Variants in RIC1 observed in about 807,000 individuals in gnomAD.
RIC1 encodes RIC1 partner of RAB6A GEF complex.
RIC1 carries 88 observed loss-of-function variants against 169.0 expected under a neutral mutation model. The observed-to-expected ratio is 0.52, with a 90% CI of 0.44 to 0.62. RIC1 has a LOEUF of 0.62. Among genes scored for constraint, RIC1 ranks in the 20% least tolerant of loss-of-function variants. The pLI, the probability that RIC1 is intolerant of heterozygous loss-of-function variation, is 0.00. For missense variants in RIC1, 1,877 were observed against 1,725.5 expected (o/e 1.09, Z -1.56); for synonymous variants, 790 against 601.5 (o/e 1.31, Z -4.59).
chr9:5,683,697 G>A (rs537977225), intron 2 of RIC1, among the ~76,000 whole-genome samples: 34 of 152,328 alleles, frequency 2.2e-4, no homozygotes, highest in African/African-American at 8.2e-4. Context: ...ATTTAAGTCT[G>A]CAGAGGTTAC....
At chr9:5,718,664 A>G (rs1823411591) in intron 4 of RIC1, among the ~76,000 whole-genome samples, 1 of 152,200 alleles carries the variant, frequency 6.6e-6, no homozygotes, top group Admixed American at 6.5e-5. Context: ...TAAAACATAA[A>G]CTTTTTATAC....
At chr9:5,769,969 T>A in intron 22 of RIC1, 118 bp from the exon 23 acceptor site, 1 of 874,434 alleles carries the variant, frequency 1.1e-6, no homozygotes, top group Non-Finnish European at 1.7e-6. Flanking sequence ...AGTAATTGCC[T>A]TTGAACTGTT....
chr9:5,765,324 C>A, intron 19 of RIC1, 90 bp from the exon 20 acceptor site: 1 of 1,396,040 alleles, frequency 7.2e-7, no homozygotes, highest in Non-Finnish European at 9.8e-7. Flanking sequence ...TGGCTACATT[C>A]TTTGAGTTTA....
intron 3 of RIC1, among the ~76,000 whole-genome samples, chr9:5,694,520 G>C (rs927641043): frequency 6.6e-6 from 1 of 152,136 alleles, no homozygotes; most frequent in South Asian, 2.1e-4. Context: ...AAATGTACAT[G>C]GGTGACCTTT....
intron 6 of RIC1, among the ~76,000 whole-genome samples, chr9:5,721,446 G>A (rs1332313670): frequency 1.3e-5 from 2 of 152,162 alleles, no homozygotes; most frequent in African/African-American, 2.4e-5. Context: ...CAGCACACAC[G>A]CGCGTGCACA....
At chr9:5,700,571 T>G in intron 3 of RIC1, among the ~76,000 whole-genome samples, 1 of 151,640 alleles carries the variant, frequency 6.6e-6, no homozygotes. Context: ...CGTATATTAA[T>G]GTATATTTAT....
At chr9:5,675,702 G>GC (rs1459772721) in intron 2 of RIC1, among the ~76,000 whole-genome samples, 31 of 150,562 alleles carry the variant, frequency 2.1e-4, no homozygotes, top group African/African-American at 7.4e-4. Context: ...ATTTTAGGGG[G>GC]GAAAAATGTA....
chr9:5,632,261 A>C (rs1226187305), intron 1 of RIC1, among the ~76,000 whole-genome samples: 1 of 152,230 alleles, frequency 6.6e-6, no homozygotes, highest in Non-Finnish European at 1.5e-5. Flanking sequence ...TTAGTAGTCT[A>C]AGCTGGTTGT....
At chr9:5,736,124 T>A (rs746868773) in intron 7 of RIC1, among the ~76,000 whole-genome samples, 2 of 152,224 alleles carry the variant, frequency 1.3e-5, no homozygotes, top group Non-Finnish European at 2.9e-5. Context: ...CATGGACTCC[T>A]CACTAACATT....
intron 1 of RIC1, among the ~76,000 whole-genome samples, chr9:5,650,435 G>C (rs1156249483): frequency 6.6e-6 from 1 of 152,034 alleles, no homozygotes; most frequent in Non-Finnish European, 1.5e-5. Context: ...CTGGTAGAGT[G>C]CTCAGGTAGC....
At chr9:5,690,405 A>G (rs1334023196) in intron 3 of RIC1, among the ~76,000 whole-genome samples, 1 of 152,080 alleles carries the variant, frequency 6.6e-6, no homozygotes, top group Non-Finnish European at 1.5e-5. Flanking sequence ...ATGCATAGAA[A>G]AAAAAGAACC....
chr9:5,689,656 T>C (rs553447014), intron 2 of RIC1, among the ~76,000 whole-genome samples: 1 of 152,274 alleles, frequency 6.6e-6, no homozygotes, highest in South Asian at 2.1e-4. Flanking sequence ...AAAAGTACTA[T>C]ATATTTTGCA....
intron 2 of RIC1, among the ~76,000 whole-genome samples, chr9:5,670,905 T>A (rs1173858316): frequency 6.6e-6 from 1 of 152,212 alleles, no homozygotes; most frequent in African/African-American, 2.4e-5. Flanking sequence ...GTCAGAGGTG[T>A]GGAAAATGGT....
At chr9:5,639,846 CAATTTTTGTCTTG>C (rs1818152327) in intron 1 of RIC1, among the ~76,000 whole-genome samples, 1 of 152,146 alleles carries the variant, frequency 6.6e-6, no homozygotes, top group Admixed American at 6.5e-5. Context: ...CTTTGTCTCA[CAATTTTTGTCTTG>C]AAATCTATTT....
At chr9:5,687,532 G>C (rs1821323085) in intron 2 of RIC1, among the ~76,000 whole-genome samples, 1 of 151,908 alleles carries the variant, frequency 6.6e-6, no homozygotes, top group Admixed American at 6.6e-5. Context: ...ACAAATTTTG[G>C]GATGATGTAT....
At chr9:5,719,745 A>T (rs970807643) in intron 4 of RIC1, among the ~76,000 whole-genome samples, 3 of 152,234 alleles carry the variant, frequency 2.0e-5, no homozygotes, top group African/African-American at 7.2e-5. Context: ...GATAGCACAG[A>T]TATAGAACAT....
rs1024267052 is a variant in RIC1 at position 5,775,061 on chromosome 9, C to G, written c.*815C>G. On this transcript the variant is annotated 3_prime_UTR_variant, in exon 26 of 26. Coordinates refer to ENST00000414202, the MANE Select transcript of RIC1 (RefSeq NM_020829.4). ...GGTTTTAATGCTGGATTCTGCATGT[C>G]TACACATACAAAGACAGGGCTTGCT... is the stretch of plus-strand genomic sequence containing the variant. The G allele has an allele frequency of 6.6e-6, 1 of 152,182 alleles. No homozygotes were observed. The highest frequency in any genetic ancestry group is 1.5e-5 in the Non-Finnish European group (1 of 68,044). The allele number at this position is 152,182 out of a possible 1,614,324, so 9.4% of individuals were successfully genotyped here.
chr9:5,715,149 G>A (rs1245161617), intron 4 of RIC1, among the ~76,000 whole-genome samples: 1 of 152,082 alleles, frequency 6.6e-6, no homozygotes, highest in Non-Finnish European at 1.5e-5. Context: ...TCATCGCCTT[G>A]GTCACAAGGT....
intron 2 of RIC1, among the ~76,000 whole-genome samples, chr9:5,678,517 C>G (rs1820598034): frequency 6.6e-6 from 1 of 151,740 alleles, no homozygotes; most frequent in Non-Finnish European, 1.5e-5. Context: ...CTGTTGTTTC[C>G]TGACTTTTTA....
Sources: gnomAD v4.1 joint callset for allele counts (sites outside exome capture counted in the v4.1 genomes callset) on GRCh38, gnomAD v4.1.1 for gene constraint, MANE v1.5 for transcripts, NCBI Gene and HGNC (gene_info 2026-07-23, HGNC 2026-07-21) for gene names.